ZNF652: variants seen among roughly 807,000 people sequenced by gnomAD.
ZNF652 encodes zinc finger protein 652.
A neutral mutation model predicts 45.2 loss-of-function variants in ZNF652; 16 were observed. The ratio of observed to expected loss-of-function variants is 0.35; its 90% CI spans 0.24 to 0.54. The LOEUF (loss-of-function observed/expected upper bound fraction) is 0.54. ZNF652 is among the 20% of genes least tolerant of loss of function. ZNF652 has a pLI of 0.91. For missense variants in ZNF652, 614 were observed against 765.6 expected (o/e 0.80, Z 2.34); for synonymous variants, 250 against 260.6 (o/e 0.96, Z 0.39).
At position 49,293,402 on chromosome 17, in the gene ZNF652, T is replaced by A. The variant is rs1184521465; in HGVS notation, c.*5011A>T. On this transcript the variant is annotated 3_prime_UTR_variant, in exon 6 of 6. Transcript: ENST00000430262. ...TATCCTCTGAGACAAAAAGATCTGA[T>A]CATAAAGTCTATAAAAAAGTCTAGA... 6.6e-6 allele frequency among the ~76,000 whole-genome samples: 1 copy of A among 152,090 alleles called. No homozygotes were observed.
At position 49,304,895 on chromosome 17, in the gene ZNF652, T is replaced by C. The variant is rs62076402; in HGVS notation, c.1310-5971A>G. 6.4e-3 allele frequency among the ~76,000 whole-genome samples: 680 copies of C among 105,844 alleles called. 3 individuals are homozygous for C. The highest frequency in any genetic ancestry group is 0.021 in the African/African-American group (605 of 28,740). 69.4% of individuals were successfully genotyped at this position (105,844 alleles called of 152,430 possible). On this transcript the variant is annotated intron_variant, in intron 5 of 5. Coordinates refer to ENST00000430262, the MANE Select transcript of ZNF652 (RefSeq NM_001145365.3). ...ATATATGTGTATATATATATATATA[T>C]ACACACACACATACATATATACACA...
intron 1 of ZNF652, among the ~76,000 whole-genome samples, chr17:49,335,609 C>T (rs1198567269): frequency 6.6e-6 from 1 of 152,056 alleles, no homozygotes; most frequent in Non-Finnish European, 1.5e-5. Context: ...TGAGGTCATA[C>T]TTTATTTGTT....
Position 49,312,679 on chromosome 17 carries a change from G to C in ZNF652, c.1048+19C>G, listed in dbSNP as rs759532116. 5 of 1,610,276 alleles carry C rather than the reference G, an allele frequency of 3.1e-6. No homozygotes were observed. The highest frequency in any genetic ancestry group is 3.4e-5 in the Admixed American group (2 of 59,470). The stretch of plus-strand genomic sequence containing the variant: ...ACAAGGGAAAATTATAGGTATAAGA[G>C]AAAAGCAGAAAAACTTACCAACCAT... On this transcript the variant is annotated intron_variant, in intron 3 of 5. Coordinates refer to ENST00000430262, the MANE Select transcript of ZNF652 (RefSeq NM_001145365.3).
chr17:49,312,402 G>T (rs964362135), intron 3 of ZNF652, among the ~76,000 whole-genome samples: 5 of 152,086 alleles, frequency 3.3e-5, no homozygotes, highest in African/African-American at 1.2e-4. Context: ...CTGACTTAAA[G>T]TGATTTGCCT....
intron 1 of ZNF652, among the ~76,000 whole-genome samples, chr17:49,324,368 A>G (rs2069932693): frequency 6.6e-6 from 1 of 152,048 alleles, no homozygotes; most frequent in Non-Finnish European, 1.5e-5. Flanking sequence ...TCTCCATCTC[A>G]GCAATAAGGC....
At chr17:49,335,361 T>G (rs371925035) in intron 1 of ZNF652, among the ~76,000 whole-genome samples, 8 of 152,256 alleles carry the variant, frequency 5.3e-5, no homozygotes, top group African/African-American at 1.9e-4. Context: ...CCTTTCTAGC[T>G]CTCAGTTTTT....
rs1180312279 is a variant in ZNF652, at chr17:49,293,103, A to G, written c.*5310T>C. On this transcript the variant is annotated 3_prime_UTR_variant, in exon 6 of 6. Coordinates refer to ENST00000430262, the MANE Select transcript of ZNF652 (RefSeq NM_001145365.3). ...ATAAAGAAATAAAACAACTCCAGGA[A>G]CCTGTGACCATACATATATTATTGA... Among the ~76,000 whole-genome samples the G allele has an allele frequency of 6.6e-6, 1 of 152,202 alleles. No homozygotes were observed. Among genetic ancestry groups the G allele is most frequent in the East Asian group, 1.9e-4 (1 of 5,198 alleles).
At chr17:49,325,464 A>G (rs1481763068) in intron 1 of ZNF652, among the ~76,000 whole-genome samples, 2 of 152,198 alleles carry the variant, frequency 1.3e-5, no homozygotes, top group Admixed American at 1.3e-4. Context: ...CTGTTAACAG[A>G]TATCAGTGTT....
intron 1 of ZNF652, among the ~76,000 whole-genome samples, chr17:49,352,214 T>C (rs946384662): frequency 1.3e-5 from 2 of 152,206 alleles, no homozygotes; most frequent in East Asian, 3.8e-4. Context: ...ATAGTGTTTG[T>C]ACTTTAGTTG....
At chr17:49,323,188 T>A (rs559549100) in intron 1 of ZNF652, among the ~76,000 whole-genome samples, 2 of 152,366 alleles carry the variant, frequency 1.3e-5, no homozygotes, top group East Asian at 3.9e-4. Flanking sequence ...ACCCAGCCAC[T>A]GCTTTATCAA....
In ZNF652 at chr17:49,296,408, T is replaced by C. The variant is rs942312165; in HGVS notation, c.*2005A>G. ...TTGAAAAATATGGACTTAATCTCAA[T>C]TGAAAGAGTTCATTTTTTCTTACCA... On this transcript the variant is annotated 3_prime_UTR_variant, in exon 6 of 6. Coordinates refer to ENST00000430262, the MANE Select transcript of ZNF652 (RefSeq NM_001145365.3). The C allele has an allele frequency of 4.4e-4, 67 of 152,560 alleles. No individual in the cohort carries two copies. Among genetic ancestry groups the C allele is most frequent in the African/African-American group, 1.5e-3 (63 of 41,418 alleles). The allele number at this position is 152,560 out of a possible 1,614,324, so 9.5% of individuals were successfully genotyped here.
chr17:49,311,885 A>ACTAGCCC, intron 4 of ZNF652, 42 bp downstream of exon 4: 1 of 1,532,770 alleles, frequency 6.5e-7, no homozygotes, highest in African/African-American at 1.4e-5. Context: ...CTATGCAAAC[A>ACTAGCCC]CTAGCCCCTA....
intron 1 of ZNF652, among the ~76,000 whole-genome samples, chr17:49,336,630 CTT>C (rs35620384): frequency 1.3e-4 from 18 of 141,670 alleles, no homozygotes; most frequent in East Asian, 2.0e-4. Context: ...CGGCCTTTTA[CTT>C]TTTTTTTTTT....
chr17:49,311,785 C>T (rs978738926), intron 4 of ZNF652, 142 bp downstream of exon 4: 5 of 667,610 alleles, frequency 7.5e-6, no homozygotes, highest in Non-Finnish European at 1.3e-5. Context: ...TGACAGCGCA[C>T]ACAGAGCTCA....
chr17:49,317,918 G>C lies in ZNF652; in HGVS notation c.-193C>G. ...ATGAGTCAAAAAGGTTTGGTATTATGGCAAGAGCAGAGCACTAGTGATTTT... is the reference window on the plus strand; with the variant it reads ...ATGAGTCAAAAAGGTTTGGTATTATCGCAAGAGCAGAGCACTAGTGATTTT... On this transcript the variant is annotated 5_prime_UTR_variant, in exon 2 of 6. Coordinates refer to ENST00000430262, the MANE Select transcript of ZNF652 (RefSeq NM_001145365.3). 8.7e-6 allele frequency: 5 copies of C among 575,582 alleles called. No homozygotes were observed. The highest frequency in any genetic ancestry group is 3.0e-5 in the East Asian group (1 of 33,372). The allele number at this position is 575,582 out of a possible 1,614,324, so 35.7% of individuals were successfully genotyped here.
intron 1 of ZNF652, among the ~76,000 whole-genome samples, chr17:49,343,217 T>C (rs1335821080): frequency 6.6e-6 from 1 of 152,214 alleles, no homozygotes; most frequent in Non-Finnish European, 1.5e-5. Context: ...CCCAAAATAC[T>C]GTTCTCTATA....
chr17:49,334,680 G>A (rs2070061306), intron 1 of ZNF652, among the ~76,000 whole-genome samples: 1 of 151,760 alleles, frequency 6.6e-6, no homozygotes, highest in Non-Finnish European at 1.5e-5. Context: ...TTGAGAGGCT[G>A]AAGCAGGAGA....
At chr17:49,336,953 T>G (rs1420190309) in intron 1 of ZNF652, among the ~76,000 whole-genome samples, 3 of 123,718 alleles carry the variant, frequency 2.4e-5, no homozygotes, top group Admixed American at 8.0e-5. Flanking sequence ...TTTTTTTTTT[T>G]TTTTTTTTTT....
chr17:49,340,533 A>AG (rs2070133554), intron 1 of ZNF652, among the ~76,000 whole-genome samples: 1 of 146,974 alleles, frequency 6.8e-6, no homozygotes, highest in African/African-American at 2.6e-5. Context: ...CTGGGCAACA[A>AG]AGCGAGACTC....
Sources: gnomAD v4.1 joint callset for allele counts (sites outside exome capture counted in the v4.1 genomes callset) on GRCh38, gnomAD v4.1.1 for gene constraint, MANE v1.5 for transcripts, NCBI Gene and HGNC (gene_info 2026-07-23, HGNC 2026-07-21) for gene names.